Variants in VAT1L observed in about 807,000 individuals in gnomAD.
VAT1L encodes vesicle amine transport 1 like.
In VAT1L, 34 loss-of-function variants were observed where a neutral mutation model predicts 44.1. That is an observed-to-expected ratio of 0.77 (90% CI 0.59 to 1.03). VAT1L has a LOEUF of 1.03. VAT1L is among the 50% of genes least tolerant of loss of function. VAT1L has a pLI of 0.00. For synonymous variants in VAT1L, 253 were observed against 202.2 expected (o/e 1.25, Z -2.13); for missense variants, 615 against 538.8 (o/e 1.14, Z -1.40).
intron 8 of VAT1L, among the ~76,000 whole-genome samples, chr16:77,975,194 C>CTTTTTTTTTTTTTTTTTTTTTTTTTT (rs35017686): frequency 2.5e-5 from 1 of 39,836 alleles, no homozygotes; most frequent in Non-Finnish European, 4.2e-5. Flanking sequence ...GGAATGACCA[C>CTTTTTTTTTTTTTTTTTTTTTTTTTT]TTTTTTTTTT....
intron 3 of VAT1L, among the ~76,000 whole-genome samples, chr16:77,849,225 A>G (rs2016785580): frequency 6.6e-6 from 1 of 152,246 alleles, no homozygotes; most frequent in South Asian, 2.1e-4. Context: ...CATGGCACTT[A>G]GGTACGTGGC....
At chr16:77,809,634 A>T (rs1203071677) in intron 1 of VAT1L, among the ~76,000 whole-genome samples, 1 of 152,194 alleles carries the variant, frequency 6.6e-6, no homozygotes, top group African/African-American at 2.4e-5. Flanking sequence ...ACAAAAAGTG[A>T]TTGTACTCAA....
chr16:77,883,406 GGAAAA>G (rs1295814224), intron 6 of VAT1L, among the ~76,000 whole-genome samples: 1 of 152,176 alleles, frequency 6.6e-6, no homozygotes, highest in Non-Finnish European at 1.5e-5. Context: ...ATGACAGACT[GGAAAA>G]GAGATGGCCA....
At chr16:77,946,481 A>G (rs2017968422) in intron 7 of VAT1L, among the ~76,000 whole-genome samples, 1 of 150,982 alleles carries the variant, frequency 6.6e-6, no homozygotes, top group Non-Finnish European at 1.5e-5. Flanking sequence ...ACAAGGTTTC[A>G]CCGTGTTAGC....
intron 3 of VAT1L, among the ~76,000 whole-genome samples, chr16:77,845,649 G>C (rs1460838733): frequency 6.6e-6 from 1 of 152,070 alleles, no homozygotes; most frequent in Non-Finnish European, 1.5e-5. Flanking sequence ...CCCTTCCCCA[G>C]TCGCTTTCTC....
At chr16:77,867,281 A>G (rs1465135810) in intron 4 of VAT1L, among the ~76,000 whole-genome samples, 1 of 152,202 alleles carries the variant, frequency 6.6e-6, no homozygotes, top group Non-Finnish European at 1.5e-5. Context: ...TGAGGGTTTC[A>G]CAGGTGTGAA....
intron 3 of VAT1L, among the ~76,000 whole-genome samples, chr16:77,856,866 G>C (rs1186505117): frequency 6.6e-6 from 1 of 152,154 alleles, no homozygotes; most frequent in Non-Finnish European, 1.5e-5. Context: ...TTGGAGTCAC[G>C]GATACCTGCA....
At chr16:77,922,903 G>C (rs1210896452) in intron 7 of VAT1L, among the ~76,000 whole-genome samples, 1 of 152,114 alleles carries the variant, frequency 6.6e-6, no homozygotes, top group African/African-American at 2.4e-5. Flanking sequence ...GGAATTCCTG[G>C]GGAGCTTTAT....
rs370861382 is a variant in VAT1L at position 77,835,642 on chromosome 16, G to T, written c.579+10181G>T. On this transcript the variant is annotated intron_variant, in intron 3 of 8. Coordinates refer to ENST00000302536, the MANE Select transcript of VAT1L (RefSeq NM_020927.3). The stretch of plus-strand genomic sequence containing the variant: ...AATCCCAACACTTTAGGAGGCCAAA[G>T]CAGGTGGATCACCTGAGGTCAGGAG... Among the ~76,000 whole-genome samples the T allele has an allele frequency of 2.0e-5, 3 of 152,286 alleles. No individual in the cohort carries two copies. The East Asian group carries it at 5.8e-4, about 30-fold the overall frequency.
chr16:77,933,747 G>C (rs2017759377), intron 7 of VAT1L, among the ~76,000 whole-genome samples: 1 of 152,272 alleles, frequency 6.6e-6, no homozygotes, highest in African/African-American at 2.4e-5. Context: ...CAGTGGGCTG[G>C]GTACATTTAA....
intron 1 of VAT1L, among the ~76,000 whole-genome samples, chr16:77,793,547 G>T (rs1298640762): frequency 6.6e-6 from 1 of 152,182 alleles, no homozygotes; most frequent in Admixed American, 6.5e-5. Flanking sequence ...TTTTAGGCTG[G>T]CAGAGGGTCT....
intron 3 of VAT1L, among the ~76,000 whole-genome samples, chr16:77,841,770 T>A (rs1380373277): frequency 6.6e-6 from 1 of 152,200 alleles, no homozygotes; most frequent in East Asian, 1.9e-4. Flanking sequence ...TGGAACATGG[T>A]GGCAAAATGC....
intron 7 of VAT1L, among the ~76,000 whole-genome samples, chr16:77,916,978 C>T (rs2017558988): frequency 6.6e-6 from 1 of 152,050 alleles, no homozygotes. Context: ...GTTTTGACTT[C>T]TAAAAAAATC....
chr16:77,841,648 G>C (rs963378154), intron 3 of VAT1L, among the ~76,000 whole-genome samples: 6 of 152,148 alleles, frequency 3.9e-5, no homozygotes, highest in Non-Finnish European at 5.9e-5. Context: ...CTGCTTTTTA[G>C]AGTGGGCTTC....
intron 7 of VAT1L, among the ~76,000 whole-genome samples, chr16:77,924,682 G>T (rs1303998532): frequency 6.6e-6 from 1 of 152,078 alleles, no homozygotes; most frequent in Non-Finnish European, 1.5e-5. Flanking sequence ...GGCTGGTCTT[G>T]AACTCCTGGC....
At chr16:77,910,794 T>C (rs902483992) in intron 7 of VAT1L, among the ~76,000 whole-genome samples, 1 of 152,088 alleles carries the variant, frequency 6.6e-6, no homozygotes, top group Non-Finnish European at 1.5e-5. Context: ...GTTAAGCTAC[T>C]ACTTCTCAAA....
chr16:77,862,066 G>A (rs181324711), intron 3 of VAT1L, among the ~76,000 whole-genome samples: 2 of 152,340 alleles, frequency 1.3e-5, no homozygotes, highest in African/African-American at 4.8e-5. Context: ...CTGTGAAGTA[G>A]GTGGCATTGT....
Position 77,957,122 on chromosome 16 carries a change from T to TA in VAT1L, c.1078-14727dup, listed in dbSNP as rs1304902723. Among the ~76,000 whole-genome samples, 4 of 152,224 alleles carry TA rather than the reference T, an allele frequency of 2.6e-5. No individual in the cohort carries two copies. In the East Asian group the frequency reaches 7.7e-4, roughly 29 times the overall value. On this transcript the variant is annotated intron_variant, in intron 7 of 8. Transcript: ENST00000302536. ...TAAATGGTACTTTCCCAAATGCTAT[T>TA]AGGTCTGGCTGTCATCCCTTTCAAA...
intron 3 of VAT1L, among the ~76,000 whole-genome samples, chr16:77,860,409 G>C (rs987907310): frequency 1.3e-5 from 2 of 152,158 alleles, no homozygotes; most frequent in African/African-American, 4.8e-5. Context: ...GGCAGCTTGG[G>C]ACCGGAGATT....
Sources: gnomAD v4.1 joint callset for allele counts (sites outside exome capture counted in the v4.1 genomes callset) on GRCh38, gnomAD v4.1.1 for gene constraint, MANE v1.5 for transcripts, NCBI Gene and HGNC (gene_info 2026-07-23, HGNC 2026-07-21) for gene names.